Variants in DENND3 observed in about 807,000 individuals in gnomAD.
DENND3 encodes DENN domain-containing protein 3.
A neutral mutation model predicts 135.1 loss-of-function variants in DENND3; 88 were observed. The observed-to-expected ratio is 0.65, with a 90% confidence interval of 0.55 to 0.78. The LOEUF (loss-of-function observed/expected upper bound fraction) is 0.78, where lower values mean the gene tolerates loss of function less well. Among genes scored for constraint, DENND3 ranks in the 30% least tolerant of loss-of-function variants. The pLI, the probability that DENND3 is intolerant of heterozygous loss-of-function variation, is 0.00. For synonymous variants in DENND3, 693 were observed against 712.3 expected (o/e 0.97, Z 0.43); for missense variants, 1,392 against 1,688.4 (o/e 0.82, Z 3.08).
At position 141,180,485 on chromosome 8, in the gene DENND3, TA is replaced by T. The variant is rs1452916220; in HGVS notation, c.2837-261del. Reference sequence around the variant, plus strand: ...GTTTAAACAAAGGCAGCTCGAGGCATAGGGGCATGGAGGTGTGGTGTGGACA... The same window carrying T: ...GTTTAAACAAAGGCAGCTCGAGGCATGGGGCATGGAGGTGTGGTGTGGACA... On this transcript the variant is annotated intron_variant, in intron 16 of 22. Transcript: ENST00000519811. Among the ~76,000 whole-genome samples, 6 of 152,182 alleles carry T rather than the reference TA, an allele frequency of 3.9e-5. No individual in the cohort carries two copies. In the East Asian group the frequency reaches 1.2e-3, roughly 29 times the overall value.
intron 10 of DENND3, among the ~76,000 whole-genome samples, 192 bp downstream of exon 10, chr8:141,163,621 C>T (rs145109476): frequency 4.5e-4 from 69 of 152,164 alleles, no homozygotes; most frequent in African/African-American, 1.6e-3. Flanking sequence ...GTATAATTTA[C>T]TTGTGGCCAG....
intron 1 of DENND3, among the ~76,000 whole-genome samples, chr8:141,132,482 C>G (rs964599170): frequency 2.0e-5 from 3 of 152,004 alleles, no homozygotes; most frequent in African/African-American, 7.3e-5. Flanking sequence ...CTGAGCCTCC[C>G]GAGTAGCTGG....
At position 141,144,118 on chromosome 8, in the gene DENND3, G is replaced by A. The variant is rs972342487; in HGVS notation, c.624-30G>A. On this transcript the variant is annotated intron_variant, in intron 4 of 22. Transcript: ENST00000519811. This position sits in a 1 kb window ranked among gnomAD's most constrained non-coding sequence, Gnocchi z 4.4. ...ACAACTGCGTTCTCATCTTTATTTT[G>A]CGGTTTGAGTTTTGTGTTTCGAATT... 6.4e-7 allele frequency: 1 copy of A among 1,567,704 alleles called. No individual in the cohort carries two copies. Among genetic ancestry groups the A allele is most frequent in the African/African-American group, 1.4e-5 (1 of 72,282 alleles).
chr8:141,143,815 A>G (rs532004500), intron 4 of DENND3: 135 of 212,134 alleles, frequency 6.4e-4, no homozygotes, highest in Non-Finnish European at 1.0e-3. Flanking sequence ...TTCCTTACCG[A>G]GGTAAAACAC....
chr8:141,147,538 C>T (rs1818309795), intron 5 of DENND3, among the ~76,000 whole-genome samples: 1 of 152,222 alleles, frequency 6.6e-6, no homozygotes, highest in Admixed American at 6.5e-5. Flanking sequence ...CTGTTTCCTC[C>T]ATTTTCTTGT....
At chr8:141,156,008 CT>C (rs1391754427) in intron 8 of DENND3, 38 bp downstream of exon 8, 1 of 1,563,140 alleles carries the variant, frequency 6.4e-7, no homozygotes, top group Admixed American at 1.9e-5. Context: ...TTCAGACCGT[CT>C]TTGTTCAGAT....
At position 141,146,710 on chromosome 8, in the gene DENND3, G is replaced by A. The variant is rs1818189832; in HGVS notation, c.735+2451G>A. Among the ~76,000 whole-genome samples, 1 of 152,098 alleles carries A rather than the reference G, an allele frequency of 6.6e-6. No individual in the cohort carries two copies. Among genetic ancestry groups the A allele is most frequent in the Non-Finnish European group, 1.5e-5 (1 of 68,020 alleles). On this transcript the variant is annotated intron_variant, in intron 5 of 22. Coordinates refer to ENST00000519811, the MANE Select transcript of DENND3 (RefSeq NM_001352890.3). The surrounding 1 kb of genome is among the most constrained non-coding windows in gnomAD (Gnocchi z 4.3). Reference sequence around the variant, plus strand: ...AGCAGTCTGCTGGGTGGAAAATCCTGCCGGTGCATTCCAGTCCAGATACGC... The same window carrying A: ...AGCAGTCTGCTGGGTGGAAAATCCTACCGGTGCATTCCAGTCCAGATACGC...
chr8:141,180,603 GGTCCAAGAGAC>G, intron 16 of DENND3, 133 bp from the exon 17 acceptor site: 1 of 732,734 alleles, frequency 1.4e-6, no homozygotes, highest in Non-Finnish European at 2.2e-6. Flanking sequence ...CAGTGCCCCG[GGTCCAAGAGAC>G]CTTCGTCTTC....
intron 8 of DENND3, chr8:141,158,425 C>A: frequency 1.8e-6 from 2 of 1,133,982 alleles, no homozygotes; most frequent in Non-Finnish European, 2.2e-6. Flanking sequence ...TGTTAGAATT[C>A]CGGAATAGAA....
Position 141,166,154 on chromosome 8 carries a change from G to T in DENND3, c.1554-36G>T, listed in dbSNP as rs76821584. ...AGGCTTATTCTTCAATCATTATTGT[G>T]TCTATAAACTAACGCGTTGCTTTTT... On this transcript the variant is annotated intron_variant, in intron 11 of 22. Transcript: ENST00000519811. This position sits in a 1 kb window ranked among gnomAD's most constrained non-coding sequence, Gnocchi z 4.3. 1.4e-4 allele frequency: 225 copies of T among 1,592,954 alleles called. No homozygotes were observed. In the East Asian group the frequency reaches 4.8e-3, roughly 34 times the overall value.
Position 141,146,523 on chromosome 8 carries a change from A to G in DENND3, c.735+2264A>G, listed in dbSNP as rs1818162859. Among the ~76,000 whole-genome samples, 1 of 152,188 alleles carries G rather than the reference A, an allele frequency of 6.6e-6. No homozygotes were observed. The highest frequency in any genetic ancestry group is 2.1e-4 in the South Asian group (1 of 4,830). On this transcript the variant is annotated intron_variant, in intron 5 of 22. Transcript: ENST00000519811. The surrounding 1 kb of genome is among the most constrained non-coding windows in gnomAD (Gnocchi z 4.3). ...TCAAACGTCTCAAAATGTTTAGTAAATGTCGATTCAGTTTCATTGTGCTAG... is the reference window on the plus strand; with the variant it reads ...TCAAACGTCTCAAAATGTTTAGTAAGTGTCGATTCAGTTTCATTGTGCTAG...
At position 141,186,967 on chromosome 8, in the gene DENND3, C is replaced by T. The variant is rs568752281; in HGVS notation, c.3084+1689C>T. 1.9e-4 allele frequency among the ~76,000 whole-genome samples: 29 copies of T among 152,316 alleles called. 1 individual carries two copies. The South Asian group carries it at 4.4e-3, about 23-fold the overall frequency. Reference sequence around the variant, plus strand: ...CGTGCTCTGAGACCCCACACTCCCCCGCACCGTGGCCTGCGCGCCCTTTGT... The same window carrying T: ...CGTGCTCTGAGACCCCACACTCCCCTGCACCGTGGCCTGCGCGCCCTTTGT... On this transcript the variant is annotated intron_variant, in intron 18 of 22. Coordinates refer to ENST00000519811, the MANE Select transcript of DENND3 (RefSeq NM_001352890.3).
At chr8:141,192,932 C>T (rs1824962815) in intron 22 of DENND3, 10 of 1,395,328 alleles carry the variant, frequency 7.2e-6, no homozygotes, top group Non-Finnish European at 9.5e-6. Flanking sequence ...TCTCACAGTT[C>T]TCGACGCTGG....
chr8:141,152,952 G>A (rs567293804), intron 7 of DENND3, among the ~76,000 whole-genome samples: 13 of 152,156 alleles, frequency 8.5e-5, no homozygotes, highest in African/African-American at 2.4e-4. Context: ...CCCCCGACCC[G>A]GTGAGGAGGA....
chr8:141,192,763 C>T (rs763353466), intron 22 of DENND3, 100 bp downstream of exon 22: 2 of 1,604,112 alleles, frequency 1.2e-6, no homozygotes, highest in Non-Finnish European at 1.7e-6. Flanking sequence ...CCCTCGTGCC[C>T]TCCTGCCTTC....
chr8:141,170,268 C>G (rs964713277), intron 13 of DENND3, among the ~76,000 whole-genome samples: 1 of 152,156 alleles, frequency 6.6e-6, no homozygotes, highest in African/African-American at 2.4e-5. Context: ...CCCGGCAGGT[C>G]TCTCTTCCGG....
chr8:141,159,469 C>T (rs534657843), intron 8 of DENND3, among the ~76,000 whole-genome samples: 214 of 152,356 alleles, frequency 1.4e-3, no homozygotes, highest in African/African-American at 5.0e-3. Context: ...TCTTCTCTGC[C>T]CGCTCAGTCT....
Position 141,138,441 on chromosome 8 carries a change from A to G in DENND3, c.501+304A>G, listed in dbSNP as rs891042625. On this transcript the variant is annotated intron_variant, in intron 3 of 22. Transcript: ENST00000519811. The surrounding 1 kb of genome is among the most constrained non-coding windows in gnomAD (Gnocchi z 4.8). Reference sequence around the variant, plus strand: ...TGCTCTGTCATCCAGGCTGGAGTGCAGTGGCACCATCTCAGCTCACTGCAA... The same window carrying G: ...TGCTCTGTCATCCAGGCTGGAGTGCGGTGGCACCATCTCAGCTCACTGCAA... Among the ~76,000 whole-genome samples, 8 of 151,644 alleles carry G rather than the reference A, an allele frequency of 5.3e-5. No homozygotes were observed. The highest frequency in any genetic ancestry group is 3.9e-4 in the East Asian group (2 of 5,162).
chr8:141,159,792 G>A (rs1355055381), intron 8 of DENND3, among the ~76,000 whole-genome samples: 5 of 152,232 alleles, frequency 3.3e-5, no homozygotes, highest in Non-Finnish European at 7.3e-5. Context: ...TCTCATGGTG[G>A]CTCAGGGTTG....
Sources: allele counts gnomAD v4.1 joint callset (sites outside exome capture counted in the v4.1 genomes callset), GRCh38; gene constraint gnomAD v4.1.1; non-coding constraint Gnocchi (gnomAD v3.1); transcripts MANE v1.5; gene names NCBI Gene and HGNC (gene_info 2026-07-23, HGNC 2026-07-21).